CSMD1: variants seen among roughly 807,000 people sequenced by gnomAD.
CSMD1 encodes the protein CUB and sushi domain-containing protein 1.
In CSMD1, 213 loss-of-function variants were observed where a neutral mutation model predicts 417.5. The ratio of observed to expected loss-of-function variants is 0.51; its 90% confidence interval spans 0.46 to 0.57. CSMD1 has a LOEUF of 0.57. Ranked by LOEUF, CSMD1 falls within the 20% of genes least tolerant of loss-of-function variation. The probability of loss-of-function intolerance (pLI) is 0.00; values close to 1 mark genes in which losing one functional copy is unlikely to be tolerated. For missense variants in CSMD1, 6,923 were observed against 4,529.7 expected, an observed-to-expected ratio of 1.53 and a Z score of -15.17; for synonymous variants, 2,862 against 1,736.8, an observed-to-expected ratio of 1.65 and a Z score of -16.11.
intron 1 of CSMD1, among the ~76,000 whole-genome samples, chr8:4,929,122 G>C (rs180962062): frequency 8.3e-4 from 126 of 152,192 alleles, no homozygotes; most frequent in African/African-American, 3.0e-3. Context: ...AGTCCCACTG[G>C]TGTCTTTATA....
At chr8:3,076,938 T>C (rs1236918292) in intron 49 of CSMD1, among the ~76,000 whole-genome samples, 1 of 152,158 alleles carries the variant, frequency 6.6e-6, no homozygotes, top group African/African-American at 2.4e-5. Context: ...TCTGGCATAC[T>C]CATCACCTGA....
chr8:4,493,288 A>C (rs2130229964), intron 2 of CSMD1, among the ~76,000 whole-genome samples: 1 of 152,268 alleles, frequency 6.6e-6, no homozygotes, highest in African/African-American at 2.4e-5. Context: ...AGTTAATTTT[A>C]AAATCCTAAG....
chr8:3,134,396 C>T (rs555620744), intron 41 of CSMD1, among the ~76,000 whole-genome samples: 1 of 152,210 alleles, frequency 6.6e-6, no homozygotes, highest in East Asian at 1.9e-4. Flanking sequence ...ACCACGAAGG[C>T]ATGCGCTGCA....
intron 4 of CSMD1, among the ~76,000 whole-genome samples, chr8:4,006,476 A>G (rs1651476214): frequency 6.6e-6 from 1 of 152,158 alleles, no homozygotes; most frequent in Admixed American, 6.5e-5. Flanking sequence ...CTTGGGAGGC[A>G]GAGGTTGCAG....
chr8:4,440,834 G>T (rs528488776), intron 2 of CSMD1, among the ~76,000 whole-genome samples: 72 of 151,712 alleles, frequency 4.7e-4, no homozygotes, highest in African/African-American at 1.6e-3. Context: ...CCTCTCTACT[G>T]AAAATACAAA....
At position 2,944,567 on chromosome 8, in the gene CSMD1, C is replaced by T. The variant is rs188078828; in HGVS notation, c.10403-1963G>A. On this transcript the variant is annotated intron_variant, in intron 68 of 69. Transcript: ENST00000635120. ...CTCATAGTCACAAAAATGTAACTTT[C>T]CTGAAGCCAGGGATTTTGTTTTGTT... 1.6e-3 allele frequency among the ~76,000 whole-genome samples: 239 copies of T among 152,286 alleles called. 1 individual carries two copies. Among genetic ancestry groups the T allele is most frequent in the African/African-American group, 5.4e-3 (226 of 41,558 alleles).
intron 5 of CSMD1, among the ~76,000 whole-genome samples, chr8:3,800,110 G>C (rs922742): frequency 2.0e-5 from 3 of 152,098 alleles, no homozygotes; most frequent in South Asian, 4.1e-4. Context: ...ATCCACTGAA[G>C]TATATGGCGC....
rs142476705 is a variant in CSMD1, at chr8:4,445,806, A to C, written c.303-25741T>G. Among the ~76,000 whole-genome samples the C allele has an allele frequency of 1.2e-3, 181 of 152,350 alleles. 1 individual carries two copies. The highest frequency in any genetic ancestry group is 4.2e-3 in the African/African-American group (174 of 41,580). ...AGAAATGTGTCAGAAATAGATGATT[A>C]ACGAGAATGTTTAAATTGCCTACTT... On this transcript the variant is annotated intron_variant, in intron 2 of 69. Coordinates refer to ENST00000635120, the MANE Select transcript of CSMD1 (RefSeq NM_033225.6).
chr8:3,933,201 A>C (rs1449401752), intron 5 of CSMD1, among the ~76,000 whole-genome samples: 1 of 135,780 alleles, frequency 7.4e-6, no homozygotes, highest in African/African-American at 2.8e-5. Context: ...ATTTTTTCCA[A>C]AACAATTTCT....
At chr8:4,862,188 T>G (rs1021253961) in intron 1 of CSMD1, among the ~76,000 whole-genome samples, 1 of 151,982 alleles carries the variant, frequency 6.6e-6, no homozygotes, top group Non-Finnish European at 1.5e-5. Flanking sequence ...TTATTGTTCC[T>G]TGAACCTCAA....
intron 6 of CSMD1, among the ~76,000 whole-genome samples, chr8:3,734,160 C>T (rs934867071): frequency 6.6e-6 from 1 of 152,042 alleles, no homozygotes; most frequent in Admixed American, 6.6e-5. Flanking sequence ...CTACCATTAC[C>T]AATATACTAC....
chr8:3,918,244 T>C (rs1457555253), intron 5 of CSMD1, among the ~76,000 whole-genome samples: 1 of 151,906 alleles, frequency 6.6e-6, no homozygotes, highest in African/African-American at 2.4e-5. Context: ...TATGGTAGGT[T>C]TTGTTGTTGT....
intron 4 of CSMD1, among the ~76,000 whole-genome samples, chr8:4,006,905 G>A (rs992061599): frequency 1.5e-5 from 2 of 132,646 alleles, no homozygotes; most frequent in Non-Finnish European, 3.0e-5. Context: ...TCGGCTCACT[G>A]CAAGCTCCGC....
chr8:3,201,927 C>T (rs1225759519), intron 31 of CSMD1, among the ~76,000 whole-genome samples: 2 of 152,106 alleles, frequency 1.3e-5, no homozygotes, highest in South Asian at 2.1e-4. Context: ...TGACTTTTGG[C>T]ATTTAATAAA....
intron 3 of CSMD1, among the ~76,000 whole-genome samples, chr8:4,152,136 C>T (rs560590479): frequency 4.6e-5 from 7 of 152,098 alleles, no homozygotes; most frequent in South Asian, 2.1e-4. Flanking sequence ...AAAATATCAA[C>T]GATAATTGTT....
chr8:4,619,881 C>T (rs537324678), intron 2 of CSMD1, among the ~76,000 whole-genome samples: 1 of 151,938 alleles, frequency 6.6e-6, no homozygotes, highest in Non-Finnish European at 1.5e-5. Flanking sequence ...AGGACAATTA[C>T]AGCATAAATA....
At chr8:3,206,345 G>A (rs552017164) in intron 30 of CSMD1, among the ~76,000 whole-genome samples, 52 of 135,872 alleles carry the variant, frequency 3.8e-4, no homozygotes, top group African/African-American at 1.3e-3. Flanking sequence ...GTGTGTTTGG[G>A]GTGTGTGTGT....
At chr8:4,515,551 G>C (rs997098191) in intron 2 of CSMD1, among the ~76,000 whole-genome samples, 1 of 152,174 alleles carries the variant, frequency 6.6e-6, no homozygotes, top group Admixed American at 6.5e-5. Context: ...ATTGAGTAAG[G>C]ATAAACCCAG....
intron 23 of CSMD1, among the ~76,000 whole-genome samples, chr8:3,325,277 A>C (rs1009454678): frequency 6.6e-6 from 1 of 152,192 alleles, no homozygotes; most frequent in Non-Finnish European, 1.5e-5. Flanking sequence ...ATACAATCAC[A>C]ATCACTTTTT....
Sources: gnomAD v4.1 joint callset for allele counts (sites outside exome capture counted in the v4.1 genomes callset) on GRCh38, gnomAD v4.1.1 for gene constraint, MANE v1.5 for transcripts, NCBI Gene and HGNC (gene_info 2026-07-23, HGNC 2026-07-21) for gene names.